Variants in ZNF385D observed in about 807,000 individuals in gnomAD.
The protein encoded by ZNF385D is zinc finger protein 659.
A neutral mutation model predicts 35.8 loss-of-function variants in ZNF385D; 15 were observed. The ratio of observed to expected loss-of-function variants is 0.42; its 90% CI spans 0.28 to 0.64. The LOEUF is 0.64. Ranked by LOEUF, ZNF385D falls within the 30% of genes least tolerant of loss-of-function variation. The probability of loss-of-function intolerance (pLI) is 0.23; values close to 1 mark genes in which losing one functional copy is unlikely to be tolerated. For synonymous variants in ZNF385D, 212 were observed against 186.8 expected, an observed-to-expected ratio of 1.13 and a Z score of -1.10; for missense variants, 474 against 494.6, an observed-to-expected ratio of 0.96 and a Z score of 0.39.
At chr3:22,048,146 A>AC (rs1274876460) in intron 3 of ZNF385D, among the ~76,000 whole-genome samples, 1 of 151,998 alleles carries the variant, frequency 6.6e-6, no homozygotes, top group Non-Finnish European at 1.5e-5. Flanking sequence ...ATAGTGCCTT[A>AC]CCAGATGGGT....
At chr3:22,001,689 T>C (rs1438695300) in intron 3 of ZNF385D, among the ~76,000 whole-genome samples, 6 of 151,858 alleles carry the variant, frequency 4.0e-5, no homozygotes, top group Non-Finnish European at 7.4e-5. Flanking sequence ...CTCATTAGCA[T>C]AGGAAACATT....
At chr3:21,757,315 G>T (rs982910299) in intron 3 of ZNF385D, among the ~76,000 whole-genome samples, 1 of 151,720 alleles carries the variant, frequency 6.6e-6, no homozygotes, top group Admixed American at 6.6e-5. Flanking sequence ...GCTAATTTTT[G>T]TATTTTTGGT....
intron 3 of ZNF385D, among the ~76,000 whole-genome samples, chr3:21,513,681 G>A (rs1312600315): frequency 6.6e-6 from 1 of 152,066 alleles, no homozygotes; most frequent in East Asian, 1.9e-4. Flanking sequence ...GTGTGTTGGG[G>A]TGGAAGTGGG....
At chr3:22,337,662 G>C (rs1475735095) in intron 2 of ZNF385D, among the ~76,000 whole-genome samples, 1 of 152,172 alleles carries the variant, frequency 6.6e-6, no homozygotes, top group East Asian at 1.9e-4. Flanking sequence ...GTTTAGAAAT[G>C]TTTGCCTGAT....
chr3:22,368,842 G>A (rs1051460331), intron 2 of ZNF385D, among the ~76,000 whole-genome samples: 15 of 152,156 alleles, frequency 9.9e-5, no homozygotes, highest in African/African-American at 3.6e-4. Context: ...TCCATAGCAG[G>A]AAGACATCAC....
intron 2 of ZNF385D, among the ~76,000 whole-genome samples, chr3:22,337,536 A>AAAAAAT (rs890610357): frequency 3.9e-5 from 6 of 152,190 alleles, no homozygotes; most frequent in Non-Finnish European, 7.3e-5. Flanking sequence ...TCCTTTTCAA[A>AAAAAAT]AAAAATAAAA....
chr3:21,459,788 A>G (rs187166953), intron 4 of ZNF385D, among the ~76,000 whole-genome samples: 11 of 152,322 alleles, frequency 7.2e-5, no homozygotes, highest in Middle Eastern at 3.4e-3. Flanking sequence ...GAGAGATGGA[A>G]TATTTGCTTC....
intron 3 of ZNF385D, among the ~76,000 whole-genome samples, chr3:21,961,191 T>C (rs911212610): frequency 6.6e-6 from 1 of 152,024 alleles, no homozygotes; most frequent in African/African-American, 2.4e-5. Context: ...GTATGTGCAA[T>C]TAGAATATGT....
In ZNF385D at chr3:21,502,547, A is replaced by G. The variant is rs151010329; in HGVS notation, c.439+8314T>C. ...ATCAGCCAAATAGAACCAGCCAAAT[A>G]TCATTCATCATAATTTCCTCATGCA... On this transcript the variant is annotated intron_variant, in intron 4 of 7. Coordinates refer to ENST00000281523, the MANE Select transcript of ZNF385D (RefSeq NM_024697.3). Among the ~76,000 whole-genome samples, 144 of 152,326 alleles carry G rather than the reference A, an allele frequency of 9.5e-4. 2 individuals are homozygous for G. The highest frequency in any genetic ancestry group is 3.4e-3 in the African/African-American group (141 of 41,580).
intron 3 of ZNF385D, among the ~76,000 whole-genome samples, chr3:21,521,371 C>G (rs1361950236): frequency 6.6e-6 from 1 of 152,188 alleles, no homozygotes; most frequent in Non-Finnish European, 1.5e-5. Flanking sequence ...ACTTATTGAA[C>G]AGTTACTGCA....
intron 3 of ZNF385D, among the ~76,000 whole-genome samples, chr3:22,010,332 A>G (rs1323719120): frequency 7.2e-5 from 11 of 152,224 alleles, no homozygotes; most frequent in African/African-American, 1.7e-4. Context: ...GGGCAAATCA[A>G]AATTCACAAG....
chr3:21,429,924 G>GT (rs898300926), intron 5 of ZNF385D, among the ~76,000 whole-genome samples: 100 of 150,028 alleles, frequency 6.7e-4, no homozygotes, highest in Middle Eastern at 3.4e-3. Flanking sequence ...ATGCAAAGCT[G>GT]TTTTTTTTTG....
At chr3:21,635,637 G>GAGATTTTGTTGC (rs2065407555) in intron 2 of ZNF385D, among the ~76,000 whole-genome samples, 1 of 151,906 alleles carries the variant, frequency 6.6e-6, no homozygotes, top group East Asian at 1.9e-4. Flanking sequence ...GTAGTGATTT[G>GAGATTTTGTTGC]AGATTTTGTT....
chr3:21,681,316 A>AAAAAAAAAAAAAAAAAAAC (rs1334410224), intron 1 of ZNF385D, among the ~76,000 whole-genome samples: 2 of 141,784 alleles, frequency 1.4e-5, no homozygotes, highest in Non-Finnish European at 3.2e-5. Context: ...AAAAAAAAAA[A>AAAAAAAAAAAAAAAAAAAC]AAAAAAAACC....
intron 3 of ZNF385D, among the ~76,000 whole-genome samples, chr3:21,921,220 C>T (rs1420830748): frequency 5.6e-5 from 2 of 36,034 alleles, no homozygotes; most frequent in East Asian, 5.3e-4. Flanking sequence ...GAGACTCCAT[C>T]TCAAAAAAAA....
At chr3:21,640,206 A>G (rs1449786869) in intron 2 of ZNF385D, among the ~76,000 whole-genome samples, 1 of 151,988 alleles carries the variant, frequency 6.6e-6, no homozygotes, top group East Asian at 1.9e-4. Context: ...TCTAATTCAC[A>G]TGTTATACTG....
chr3:22,014,495 T>A (rs1229063633), intron 3 of ZNF385D, among the ~76,000 whole-genome samples: 2 of 152,008 alleles, frequency 1.3e-5, no homozygotes, highest in African/African-American at 4.8e-5. Context: ...AAACACAAAC[T>A]ACCAATGCAA....
chr3:21,586,040 TACACAC>T (rs10571982), intron 2 of ZNF385D, among the ~76,000 whole-genome samples: 1 of 135,768 alleles, frequency 7.4e-6, no homozygotes, highest in Non-Finnish European at 1.7e-5. Flanking sequence ...TACAAATACA[TACACAC>T]ACACACACAC....
intron 3 of ZNF385D, among the ~76,000 whole-genome samples, chr3:22,146,448 A>G (rs1704860177): frequency 6.6e-6 from 1 of 152,148 alleles, no homozygotes; most frequent in Admixed American, 6.6e-5. Flanking sequence ...TTTGTCTTAA[A>G]GATTGTGACT....
Sources: allele counts gnomAD v4.1 joint callset (sites outside exome capture counted in the v4.1 genomes callset), GRCh38; gene constraint gnomAD v4.1.1; transcripts MANE v1.5; gene names NCBI Gene and HGNC (gene_info 2026-07-23, HGNC 2026-07-21).